The following OR7E24 variants were observed in gnomAD, a reference collection of about 807,000 sequenced individuals.
The protein encoded by OR7E24 is olfactory receptor 7E24.
For synonymous variants in OR7E24, 130 were observed against 157.5 expected (o/e 0.83, Z 1.31); for missense variants, 385 against 410.3 (o/e 0.94, Z 0.53).
chr19:9,215,154 C>A, the OR7E24 span, among the ~76,000 whole-genome samples: 1 of 152,010 alleles, frequency 6.6e-6, no homozygotes, highest in Non-Finnish European at 1.5e-5. Flanking sequence ...ACCATCCTGG[C>A]CAATATGGTG....
the OR7E24 span, chr19:9,207,056 C>T: frequency 6.6e-6 from 1 of 152,202 alleles, no homozygotes; most frequent in African/African-American, 2.4e-5. Flanking sequence ...CAGCACTAGA[C>T]AATGTAATTT....
the OR7E24 span, among the ~76,000 whole-genome samples, chr19:9,228,077 C>T: frequency 5.9e-5 from 9 of 152,292 alleles, no homozygotes; most frequent in East Asian, 1.7e-3. Context: ...GTCTTTAGGT[C>T]TGTGAGGAAT....
In OR7E24 at chr19:9,252,043, C is replaced by G. The variant is rs553025686; in HGVS notation, c.1000C>G (p.Pro334Ala). 1 of 1,613,732 alleles carries G rather than the reference C, an allele frequency of 6.2e-7. No homozygotes were observed. The highest frequency in any genetic ancestry group is 1.7e-5 in the Admixed American group (1 of 60,012). ...GRIIKSHHLH[P>A]FCYMG ...AATCATCAAATCTCATCATCTCCATCCTTTTTGTTATATGGGATAGAAATG... is the reference window on the plus strand; with the variant it reads ...AATCATCAAATCTCATCATCTCCATGCTTTTTGTTATATGGGATAGAAATG... Residue 334 changes from proline (P) to alanine (A), a missense_variant, in exon 1 of 1, where the codon CCT (proline) becomes GCT (alanine). Coordinates refer to ENST00000456448, the MANE Select transcript of OR7E24 (RefSeq NM_001079935.2).
chr19:9,241,125 G>A, the OR7E24 span, among the ~76,000 whole-genome samples: 1 of 152,074 alleles, frequency 6.6e-6, no homozygotes, highest in Non-Finnish European at 1.5e-5. Flanking sequence ...CTGTTGATCT[G>A]TTTTTTATTT....
chr19:9,246,031 C>T (rs192022094), upstream of OR7E24, among the ~76,000 whole-genome samples: 2 of 145,360 alleles, frequency 1.4e-5, no homozygotes, highest in Admixed American at 1.4e-4. Context: ...GGCGACTTCC[C>T]GTTGCAATTT....
At chr19:9,232,038 C>G in the OR7E24 span, among the ~76,000 whole-genome samples, 1 of 152,228 alleles carries the variant, frequency 6.6e-6, no homozygotes, top group South Asian at 2.1e-4. Flanking sequence ...GCAAGGGTTT[C>G]CATTTTAACA....
chr19:9,223,396 G>T, the OR7E24 span, among the ~76,000 whole-genome samples: 55,040 of 152,150 alleles, frequency 0.36, 11,524 homozygotes, highest in African/African-American at 0.58. Context: ...GTGGCAAAAT[G>T]AATGCCTATC....
chr19:9,211,774 C>CAAAAAAAAAAAAAA, the OR7E24 span: 1 of 75,930 alleles, frequency 1.3e-5, no homozygotes, highest in Non-Finnish European at 3.0e-5. Flanking sequence ...GACTCCATCT[C>CAAAAAAAAAAAAAA]AAAAAAAAAA....
the OR7E24 span, chr19:9,210,446 A>T: frequency 6.6e-6 from 1 of 152,388 alleles, no homozygotes; most frequent in Non-Finnish European, 1.5e-5. Context: ...ATCTCTACAA[A>T]AAAATAAAAT....
At chr19:9,224,867 T>C in the OR7E24 span, among the ~76,000 whole-genome samples, 1 of 151,978 alleles carries the variant, frequency 6.6e-6, no homozygotes, top group Admixed American at 6.6e-5. Context: ...GGCCCAAGCA[T>C]AGGGGTGTAT....
At chr19:9,243,682 A>G (rs766992087), upstream of OR7E24, among the ~76,000 whole-genome samples, 19 of 152,176 alleles carry the variant, frequency 1.2e-4, no homozygotes, top group Non-Finnish European at 2.4e-4. Flanking sequence ...CACAGTTTCC[A>G]ATTCCACACC....
the OR7E24 span, chr19:9,235,807 G>T: frequency 1.9e-6 from 3 of 1,611,308 alleles, no homozygotes; most frequent in East Asian, 6.7e-5. Context: ...CTCTCAGATT[G>T]TCTCCTCCTT....
At chr19:9,214,665 G>A in the OR7E24 span, 1 of 1,614,158 alleles carries the variant, frequency 6.2e-7, no homozygotes, top group Non-Finnish European at 8.5e-7. Flanking sequence ...GAAGTACATG[G>A]GGGTGTGGAG....
upstream of OR7E24, among the ~76,000 whole-genome samples, chr19:9,248,209 TGCCAGTC>T (rs1215356379): frequency 7.9e-5 from 12 of 152,330 alleles, no homozygotes; most frequent in East Asian, 5.8e-4. Context: ...AGGAGGAAGA[TGCCAGTC>T]ACCATGACAT....
the OR7E24 span, among the ~76,000 whole-genome samples, chr19:9,223,030 GT>G: frequency 2.0e-5 from 3 of 152,212 alleles, no homozygotes; most frequent in Middle Eastern, 3.4e-3. Context: ...TTTGTCAAAT[GT>G]TTTTTTCTGC....
At chr19:9,225,759 T>C in the OR7E24 span, among the ~76,000 whole-genome samples, 1 of 152,224 alleles carries the variant, frequency 6.6e-6, no homozygotes, top group Non-Finnish European at 1.5e-5. Flanking sequence ...GATGCTGCGT[T>C]GCATTCCTTA....
the OR7E24 span, among the ~76,000 whole-genome samples, chr19:9,225,197 A>G: frequency 6.6e-6 from 1 of 152,034 alleles, no homozygotes; most frequent in African/African-American, 2.4e-5. Flanking sequence ...CAACATGGGG[A>G]AACCCCATCT....
At chr19:9,222,829 C>G in the OR7E24 span, among the ~76,000 whole-genome samples, 64,454 of 151,966 alleles carry the variant, frequency 0.42, 17,750 homozygotes, top group African/African-American at 0.79. Flanking sequence ...AGAACTTCCA[C>G]TACTATATTG....
At chr19:9,225,920 G>A in the OR7E24 span, among the ~76,000 whole-genome samples, 3 of 152,214 alleles carry the variant, frequency 2.0e-5, no homozygotes, top group Admixed American at 6.5e-5. Context: ...CTTGCTGTAG[G>A]AGCATAACTG....
Sources: allele counts gnomAD v4.1 joint callset (sites outside exome capture counted in the v4.1 genomes callset), GRCh38; gene constraint gnomAD v4.1.1; transcripts MANE v1.5; gene names NCBI Gene and HGNC (gene_info 2026-07-23, HGNC 2026-07-21).